RGS8: variants seen among roughly 807,000 people sequenced by gnomAD.
RGS8 encodes regulator of G-protein signaling 8.
RGS8 carries 8 observed loss-of-function variants against 21.7 expected under a neutral mutation model. The observed-to-expected ratio is 0.37, with a 90% CI of 0.22 to 0.66. The LOEUF is 0.66. Ranked by LOEUF, RGS8 falls within the 30% of genes least tolerant of loss-of-function variation. The probability of loss-of-function intolerance (pLI) is 0.59; values close to 1 mark genes in which losing one functional copy is unlikely to be tolerated. For synonymous variants in RGS8, 80 were observed against 83.6 expected, an observed-to-expected ratio of 0.96 and a Z score of 0.24; for missense variants, 157 against 217.9, an observed-to-expected ratio of 0.72 and a Z score of 1.76.
chr1:182,737,203 TATAAG>T, the RGS8 span, among the ~76,000 whole-genome samples: 1 of 152,010 alleles, frequency 6.6e-6, no homozygotes, highest in Non-Finnish European at 1.5e-5. Context: ...GCCTCTCTCT[TATAAG>T]AACACTTCTG....
At chr1:182,707,861 C>A in the RGS8 span, among the ~76,000 whole-genome samples, 3 of 152,204 alleles carry the variant, frequency 2.0e-5, no homozygotes, top group South Asian at 6.2e-4. Flanking sequence ...CGCCCACCAC[C>A]ATGTCTGGCT....
the RGS8 span, among the ~76,000 whole-genome samples, chr1:182,690,397 C>T: frequency 6.6e-6 from 1 of 152,230 alleles, no homozygotes; most frequent in Non-Finnish European, 1.5e-5. Flanking sequence ...GCTATCCTCA[C>T]CTTATCCCAG....
intron 1 of RGS8, among the ~76,000 whole-genome samples, chr1:182,682,062 G>A (rs1419533436): frequency 1.3e-5 from 2 of 152,192 alleles, no homozygotes; most frequent in African/African-American, 4.8e-5. Context: ...TAGAAATGTA[G>A]GTGTTTGGAC....
chr1:182,671,410 G>A (rs533151988), intron 2 of RGS8, among the ~76,000 whole-genome samples: 1 of 152,272 alleles, frequency 6.6e-6, no homozygotes, highest in Non-Finnish European at 1.5e-5. Flanking sequence ...CTCATAGGTG[G>A]GCATCAAGTC....
chr1:182,646,505 A>G, exon 7 of RGS8: 3 of 488,922 alleles, frequency 6.1e-6, no homozygotes, highest in Middle Eastern at 5.4e-4. Flanking sequence ...AAAGGGTGAC[A>G]GCGGCAAGGC....
the RGS8 span, among the ~76,000 whole-genome samples, chr1:182,710,954 G>C: frequency 6.6e-6 from 1 of 152,146 alleles, no homozygotes; most frequent in African/African-American, 2.4e-5. Flanking sequence ...AGGGCAATAA[G>C]CATCAAGAAA....
At chr1:182,713,900 C>T in the RGS8 span, among the ~76,000 whole-genome samples, 1 of 152,108 alleles carries the variant, frequency 6.6e-6, no homozygotes, top group African/African-American at 2.4e-5. Context: ...AAATACAGTA[C>T]ATAAAACAGA....
chr1:182,648,523 C>T (rs1487963985), intron 5 of RGS8, among the ~76,000 whole-genome samples: 2 of 152,082 alleles, frequency 1.3e-5, no homozygotes, highest in Non-Finnish European at 2.9e-5. Context: ...CACCTGAGGT[C>T]ATGAGTTCGA....
the RGS8 span, among the ~76,000 whole-genome samples, chr1:182,746,124 C>T: frequency 6.6e-6 from 1 of 152,080 alleles, no homozygotes; most frequent in African/African-American, 2.4e-5. Flanking sequence ...GGCTAAAAAG[C>T]CCCCAGGCCA....
the RGS8 span, among the ~76,000 whole-genome samples, chr1:182,723,003 A>AAAAT: frequency 3.1e-4 from 47 of 151,598 alleles, no homozygotes; most frequent in East Asian, 6.8e-3. Context: ...AATAAAAATA[A>AAAAT]AAATAAATAA....
chr1:182,678,928 T>C (rs1220091789), intron 1 of RGS8, among the ~76,000 whole-genome samples: 1 of 152,136 alleles, frequency 6.6e-6, no homozygotes, highest in Admixed American at 6.5e-5. Context: ...ATGAAATACC[T>C]GGACCTCTTT....
chr1:182,705,830 C>T, the RGS8 span, among the ~76,000 whole-genome samples: 1 of 152,146 alleles, frequency 6.6e-6, no homozygotes, highest in Non-Finnish European at 1.5e-5. Context: ...GAATCAGTAG[C>T]AGCCCCGTTC....
chr1:182,657,097 C>T (rs893480155), intron 5 of RGS8, among the ~76,000 whole-genome samples: 2 of 151,812 alleles, frequency 1.3e-5, no homozygotes, highest in Non-Finnish European at 2.9e-5. Flanking sequence ...CCACCCACCC[C>T]CCTGGCCCAC....
intron 5 of RGS8, among the ~76,000 whole-genome samples, chr1:182,663,696 AATTTTTTATTTTAGTACAG>A (rs1223643158): frequency 6.6e-6 from 1 of 151,532 alleles, no homozygotes; most frequent in African/African-American, 2.4e-5. Context: ...GCACTCCACT[AATTTTTTATTTTAGTACAG>A]ACAGGGTCTC....
the RGS8 span, among the ~76,000 whole-genome samples, chr1:182,724,209 T>C: frequency 2.3e-5 from 2 of 85,470 alleles, no homozygotes. Context: ...TGGATATATA[T>C]ATATATATAT....
chr1:182,689,345 A>C (rs940960542), upstream of RGS8, among the ~76,000 whole-genome samples: 1 of 151,876 alleles, frequency 6.6e-6, no homozygotes, highest in African/African-American at 2.4e-5. Context: ...TAAATAATTT[A>C]TTAGGATCCC....
the RGS8 span, among the ~76,000 whole-genome samples, chr1:182,690,655 A>T: frequency 1.3e-5 from 2 of 152,218 alleles, no homozygotes; most frequent in Non-Finnish European, 1.5e-5. Flanking sequence ...TCTCATCTGA[A>T]ATAAATTGTT....
At chr1:182,743,335 C>T in the RGS8 span, among the ~76,000 whole-genome samples, 2 of 152,196 alleles carry the variant, frequency 1.3e-5, no homozygotes, top group African/African-American at 4.8e-5. Context: ...TGAAGTGGGT[C>T]ATTGACTCAT....
the RGS8 span, among the ~76,000 whole-genome samples, chr1:182,699,481 C>T: frequency 6.6e-6 from 1 of 152,238 alleles, no homozygotes; most frequent in Non-Finnish European, 1.5e-5. Context: ...AAGGCCTTTC[C>T]TAACTCTTAG....
Sources: gnomAD v4.1 joint callset for allele counts (sites outside exome capture counted in the v4.1 genomes callset) on GRCh38, gnomAD v4.1.1 for gene constraint, MANE v1.5 for transcripts, NCBI Gene and HGNC (gene_info 2026-07-23, HGNC 2026-07-21) for gene names.